Variants in RYR2 observed in about 807,000 individuals in gnomAD.
RYR2 encodes the protein cardiac muscle ryanodine receptor-calcium release channel.
Under a neutral mutation model 601.1 loss-of-function variants are expected in RYR2, and 227 were observed. That is an observed-to-expected ratio of 0.38 (90% CI 0.34 to 0.42). RYR2 has a LOEUF of 0.42. RYR2 is among the 10% of genes least tolerant of loss of function. The pLI is 1.00. For missense variants in RYR2, 4,646 were observed against 6,156.5 expected, an observed-to-expected ratio of 0.75 and a Z score of 8.21; for synonymous variants, 2,223 against 2,175.1, an observed-to-expected ratio of 1.02 and a Z score of -0.61.
At chr1:237,552,213 G>A (rs1348454565) in intron 27 of RYR2, among the ~76,000 whole-genome samples, 1 of 152,140 alleles carries the variant, frequency 6.6e-6, no homozygotes, top group African/African-American at 2.4e-5. Context: ...AGAGTGTACA[G>A]TCCCTGTAAC....
chr1:237,447,729 A>G (rs944854843), intron 14 of RYR2, among the ~76,000 whole-genome samples: 2 of 151,020 alleles, frequency 1.3e-5, no homozygotes, highest in African/African-American at 4.9e-5. Context: ...GGTACCTCAC[A>G]CCTTTTGATT....
At chr1:237,451,264 A>T (rs1658071679) in intron 14 of RYR2, among the ~76,000 whole-genome samples, 1 of 152,138 alleles carries the variant, frequency 6.6e-6, no homozygotes, top group South Asian at 2.1e-4. Context: ...CAGTAAAATA[A>T]TAAGACTTAC....
intron 1 of RYR2, among the ~76,000 whole-genome samples, chr1:237,142,576 T>C (rs1363197756): frequency 6.6e-6 from 1 of 152,174 alleles, no homozygotes; most frequent in Non-Finnish European, 1.5e-5. Context: ...GCTGCAGTGC[T>C]GCCAGGGTTC....
chr1:237,684,618 C>T (rs181080567), intron 62 of RYR2, among the ~76,000 whole-genome samples: 14 of 152,096 alleles, frequency 9.2e-5, no homozygotes, highest in Admixed American at 7.9e-4. Flanking sequence ...AGAATCGTTT[C>T]GAAGAAGAGG....
chr1:237,701,359 C>T (rs551165536), intron 65 of RYR2, among the ~76,000 whole-genome samples: 2 of 152,120 alleles, frequency 1.3e-5, no homozygotes, highest in South Asian at 2.1e-4. Flanking sequence ...GGTGAAACCC[C>T]GTCTCTACTA....
intron 1 of RYR2, among the ~76,000 whole-genome samples, chr1:237,151,704 T>A (rs1674721670): frequency 6.6e-6 from 1 of 152,174 alleles, no homozygotes; most frequent in Non-Finnish European, 1.5e-5. Context: ...GCAGACGTCA[T>A]GATGACTGCT....
intron 4 of RYR2, among the ~76,000 whole-genome samples, chr1:237,357,442 G>T (rs1699399228): frequency 6.6e-6 from 1 of 151,954 alleles, no homozygotes. Flanking sequence ...TGCCATATCT[G>T]GATTGGTATT....
At chr1:237,163,605 C>T (rs1197189297) in intron 1 of RYR2, among the ~76,000 whole-genome samples, 1 of 152,092 alleles carries the variant, frequency 6.6e-6, no homozygotes, top group Non-Finnish European at 1.5e-5. Context: ...GTGTTATTTA[C>T]TTGAGCATAC....
At chr1:237,230,926 T>TAAAAAAA (rs1572284765) in intron 1 of RYR2, among the ~76,000 whole-genome samples, 5 of 28,142 alleles carry the variant, frequency 1.8e-4, no homozygotes, top group African/African-American at 5.2e-4. Flanking sequence ...GAGACTCGTC[T>TAAAAAAA]CAAAAAAAAA....
chr1:237,792,380 T>TCAC (rs1658522162), intron 94 of RYR2, 57 bp downstream of exon 94: 1 of 831,522 alleles, frequency 1.2e-6, no homozygotes, highest in Non-Finnish European at 1.8e-6. Flanking sequence ...TGTGTGTGTG[T>TCAC]GCGTGTGTGT....
At position 237,569,205 on chromosome 1, in the gene RYR2, G is replaced by A. The variant is rs377030538; in HGVS notation, c.3484G>A (p.Val1162Met). The A allele has an allele frequency of 2.0e-5, 33 of 1,613,840 alleles. No homozygotes were observed. Among genetic ancestry groups the A allele is most frequent in the East Asian group, 2.2e-5 (1 of 44,876 alleles). ...YGRSWQAGDV[V>M]GCMVDMNEHT... ...GCGCTCTTGGCAAGCAGGCGATGTC[G>A]TGGGGTGTATGGTTGACATGAACGA... The change falls in exon 29 of 105, where the codon GTG becomes ATG. Residue 1162 changes from valine to methionine, a missense_variant. Physicochemically the swap from Val to Met is conservative, Grantham distance 21. This residue lies in a region of RYR2 where 1,807 missense variants were observed against 2,088.1 expected (regional missense o/e 0.87). Coordinates refer to ENST00000366574, the MANE Select transcript of RYR2 (RefSeq NM_001035.3).
intron 2 of RYR2, among the ~76,000 whole-genome samples, chr1:237,281,048 G>C (rs561506690): frequency 3.9e-5 from 6 of 152,118 alleles, no homozygotes; most frequent in Non-Finnish European, 7.4e-5. Context: ...GCCTCCCAAA[G>C]TGCTGGGATT....
intron 80 of RYR2, among the ~76,000 whole-genome samples, chr1:237,742,993 A>C (rs1488717992): frequency 6.6e-6 from 1 of 152,136 alleles, no homozygotes; most frequent in Non-Finnish European, 1.5e-5. Context: ...CTTATACTGT[A>C]CTTTCGTTTT....
At chr1:237,112,969 T>C (rs983161989) in intron 1 of RYR2, among the ~76,000 whole-genome samples, 2 of 152,146 alleles carry the variant, frequency 1.3e-5, no homozygotes, top group Non-Finnish European at 2.9e-5. Context: ...TTAAATAAGC[T>C]TCACGGAACC....
chr1:237,806,036 A>C, intron 98 of RYR2, 101 bp from the exon 99 acceptor site: 99 of 973,840 alleles, frequency 1.0e-4, no homozygotes, highest in Non-Finnish European at 1.4e-4. Flanking sequence ...GAGAACATGT[A>C]GAGTTTAACT....
Position 237,784,327 on chromosome 1 carries a change from G to C in RYR2, c.12615G>C (p.Gln4205His). Residue 4205 changes from glutamine to histidine, a missense_variant, in exon 90 of 105, where the codon CAG becomes CAC. Coordinates refer to ENST00000366574, the MANE Select transcript of RYR2 (RefSeq NM_001035.3). The surrounding 1 kb of genome is among the most constrained non-coding windows in gnomAD (Gnocchi z 7.1). Reference protein sequence around the residue: ...DTIFEMQLAAQISESDLNERS... With the variant: ...DTIFEMQLAAHISESDLNERS... ...TCTTTGAAATGCAGCTGGCGGCTCA[G>C]ATCTCGGAGTCGGACTTGAACGAGA... 6.2e-7 allele frequency: 1 copy of C among 1,613,922 alleles called. No homozygotes were observed. The highest frequency in any genetic ancestry group is 8.5e-7 in the Non-Finnish European group (1 of 1,179,876).
intron 4 of RYR2, among the ~76,000 whole-genome samples, chr1:237,362,082 G>A (rs4638118): frequency 0.31 from 47,292 of 151,984 alleles, 7,549 homozygotes; most frequent in Non-Finnish European, 0.31. Flanking sequence ...ATGTTAATGT[G>A]GCATGTGCCC....
chr1:237,119,518 G>C (rs1670539171), intron 1 of RYR2, among the ~76,000 whole-genome samples: 1 of 152,176 alleles, frequency 6.6e-6, no homozygotes, highest in African/African-American at 2.4e-5. Flanking sequence ...GGCCCCAGGT[G>C]TCCAGAGACA....
In RYR2 at chr1:237,803,580, G is replaced by T. The variant is rs544934304; in HGVS notation, c.14151+1664G>T. Among the ~76,000 whole-genome samples, 8 of 152,144 alleles carry T rather than the reference G, an allele frequency of 5.3e-5. No homozygotes were observed. In the South Asian group the frequency reaches 8.3e-4, roughly 16 times the overall value. On this transcript the variant is annotated intron_variant, in intron 98 of 104. Coordinates refer to ENST00000366574, the MANE Select transcript of RYR2 (RefSeq NM_001035.3). ...CTCCCAAAGTACTGGGATTACAAGC[G>T]TGAGCCACCACGCCCAGTCTTGCAT... is the stretch of plus-strand genomic sequence containing the variant.
Sources: allele counts gnomAD v4.1 joint callset (sites outside exome capture counted in the v4.1 genomes callset), GRCh38; gene constraint gnomAD v4.1.1; regional missense constraint gnomAD v4.1.1; non-coding constraint Gnocchi (gnomAD v3.1); transcripts MANE v1.5; gene names NCBI Gene and HGNC (gene_info 2026-07-23, HGNC 2026-07-21).